RECK: variants seen among roughly 807,000 people sequenced by gnomAD.
RECK encodes the protein reversion-inducing cysteine-rich protein with Kazal motifs.
In RECK, 69 loss-of-function variants were observed where a neutral mutation model predicts 115.1. That is an observed-to-expected ratio of 0.60 (90% CI 0.49 to 0.73). The LOEUF (loss-of-function observed/expected upper bound fraction) is 0.73. Among genes scored for constraint, RECK ranks in the 30% least tolerant of loss-of-function variants. The pLI, the probability that RECK is intolerant of heterozygous loss-of-function variation, is 0.00. For synonymous variants in RECK, 414 were observed against 419.7 expected, an observed-to-expected ratio of 0.99 and a Z score of 0.17; for missense variants, 1,047 against 1,203.7, an observed-to-expected ratio of 0.87 and a Z score of 1.93.
At chr9:36,069,681 T>C (rs1249787858) in intron 6 of RECK, among the ~76,000 whole-genome samples, 2 of 152,148 alleles carry the variant, frequency 1.3e-5, no homozygotes, top group East Asian at 1.9e-4. Flanking sequence ...AAAAATAGTT[T>C]AGGACACAGG....
At chr9:36,066,326 T>C (rs2132593457) in intron 6 of RECK, among the ~76,000 whole-genome samples, 1 of 152,312 alleles carries the variant, frequency 6.6e-6, no homozygotes, top group Non-Finnish European at 1.5e-5. Context: ...ACAGTTTTTG[T>C]AGTGTAAGGC....
In RECK at chr9:36,059,233, GAT is replaced by G. The variant is rs560412052; in HGVS notation, c.234+333_234+334del. Among the ~76,000 whole-genome samples, 767 of 152,122 alleles carry G rather than the reference GAT, an allele frequency of 5.0e-3. 3 individuals carry two copies. Among genetic ancestry groups the G allele is most frequent in the Non-Finnish European group, 8.7e-3 (588 of 67,954 alleles). ...GCACTTTGGGAGTCTGAGGCGGGTG[GAT>G]TACCTGAGGTCAGGATTTCGAGACC... On this transcript the variant is annotated intron_variant, in intron 3 of 20. Coordinates refer to ENST00000377966, the MANE Select transcript of RECK (RefSeq NM_021111.3).
intron 1 of RECK, among the ~76,000 whole-genome samples, chr9:36,049,644 A>G (rs1018894648): frequency 6.6e-6 from 1 of 152,232 alleles, no homozygotes; most frequent in African/African-American, 2.4e-5. Flanking sequence ...CCTTGTTAGC[A>G]TAACAAAGAC....
chr9:36,104,314 ATATATATATATATTTTTTTTTTTTTT>A (rs1404365979), intron 12 of RECK, among the ~76,000 whole-genome samples: 1 of 58,894 alleles, frequency 1.7e-5, no homozygotes, highest in African/African-American at 9.2e-5. Context: ...ATATATATAT[ATATATATATATATTTTTTTTTTTTTT>A]TTTTTTTTTT....
At chr9:36,103,916 CACTTATTGTATTTATAAT>C (rs1823657636) in intron 12 of RECK, among the ~76,000 whole-genome samples, 1 of 152,050 alleles carries the variant, frequency 6.6e-6, no homozygotes, top group Non-Finnish European at 1.5e-5. Flanking sequence ...AAGTAAGCAA[CACTTATTGTATTTATAAT>C]TCTAGATTCT....
chr9:36,069,275 C>T (rs1187359357), intron 6 of RECK, among the ~76,000 whole-genome samples: 1 of 152,000 alleles, frequency 6.6e-6, no homozygotes, highest in Admixed American at 6.6e-5. Context: ...TGCGGTGGCT[C>T]ACACCTGTAA....
intron 17 of RECK, 104 bp from the exon 18 acceptor site, chr9:36,118,653 T>C (rs1387341869): frequency 9.3e-7 from 1 of 1,078,892 alleles, no homozygotes; most frequent in African/African-American, 1.6e-5. Context: ...TTTATACCTG[T>C]GTCTTTTTTC....
At chr9:36,037,466 C>T (rs1430480190) in intron 1 of RECK, among the ~76,000 whole-genome samples, 6 of 151,778 alleles carry the variant, frequency 4.0e-5, no homozygotes, top group Admixed American at 1.3e-4. Context: ...ACGCAGCCGC[C>T]CTACCGCGGC....
intron 1 of RECK, among the ~76,000 whole-genome samples, chr9:36,044,504 C>A (rs1283956260): frequency 6.6e-6 from 1 of 152,070 alleles, no homozygotes; most frequent in Non-Finnish European, 1.5e-5. Context: ...CTAGGACTTC[C>A]ATTATTCTTT....
chr9:36,065,228 TAAAAA>T (rs561725701), intron 5 of RECK, among the ~76,000 whole-genome samples: 5 of 50,542 alleles, frequency 9.9e-5, no homozygotes, highest in Non-Finnish European at 1.9e-4. Flanking sequence ...GGAATTCAGC[TAAAAA>T]AAAAAAAAAA....
intron 5 of RECK, among the ~76,000 whole-genome samples, chr9:36,064,569 T>A (rs1184527848): frequency 6.6e-6 from 1 of 152,220 alleles, no homozygotes; most frequent in Non-Finnish European, 1.5e-5. Flanking sequence ...TTCTAGGGAC[T>A]TATCTCAGAT....
chr9:36,073,071 C>G (rs2132606441), intron 6 of RECK, among the ~76,000 whole-genome samples: 1 of 151,508 alleles, frequency 6.6e-6, no homozygotes, highest in Middle Eastern at 3.4e-3. Flanking sequence ...CTCCTGAACA[C>G]TATTGGATAC....
At chr9:36,107,054 C>A (rs1398576648) in intron 13 of RECK, among the ~76,000 whole-genome samples, 1 of 145,162 alleles carries the variant, frequency 6.9e-6, no homozygotes, top group Non-Finnish European at 1.5e-5. Context: ...TGCAGTGAGC[C>A]GAGATCGTGC....
chr9:36,040,273 G>A lies in RECK; in HGVS notation c.100+3175G>A, dbSNP rs529735465. Among the ~76,000 whole-genome samples the A allele has an allele frequency of 1.3e-3, 204 of 152,314 alleles. 1 individual carries two copies. Among genetic ancestry groups the A allele is most frequent in the Middle Eastern group, 0.01 (3 of 294 alleles). The stretch of plus-strand genomic sequence containing the variant: ...CCAAATGGCTAACACAGAGAATTGT[G>A]TGAGTAGTTCTTTGTGTAAAAGAAC... On this transcript the variant is annotated intron_variant, in intron 1 of 20. Coordinates refer to ENST00000377966, the MANE Select transcript of RECK (RefSeq NM_021111.3).
chr9:36,110,193 A>C, intron 15 of RECK, 114 bp downstream of exon 15: 1 of 1,146,380 alleles, frequency 8.7e-7, no homozygotes, highest in Non-Finnish European at 1.2e-6. Context: ...TAAAATCAAT[A>C]CAGAATCTAA....
chr9:36,051,732 C>G (rs1204440600), intron 1 of RECK, among the ~76,000 whole-genome samples: 1 of 152,114 alleles, frequency 6.6e-6, no homozygotes, highest in African/African-American at 2.4e-5. Context: ...TCATTCATTT[C>G]CATATACTCC....
intron 9 of RECK, among the ~76,000 whole-genome samples, chr9:36,089,150 C>A (rs1039130088): frequency 2.0e-5 from 3 of 152,070 alleles, no homozygotes. Context: ...TTAAATTAGG[C>A]TTGTAATTAA....
rs1823751429 is a variant in RECK, at chr9:36,105,236, A to G, written c.1529A>G (p.Lys510Arg). 1 of 1,614,018 alleles carries G rather than the reference A, an allele frequency of 6.2e-7. No homozygotes were observed. Among genetic ancestry groups the G allele is most frequent in the African/African-American group, 1.3e-5 (1 of 74,924 alleles). The change falls in exon 13 of 21, where the codon AAA becomes AGA. Residue 510 changes from lysine to arginine, a missense_variant. Coordinates refer to ENST00000377966, the MANE Select transcript of RECK (RefSeq NM_021111.3). ...AATGAGCTCTGTGAAGTAAACCGAA[A>G]AGGATGTCCATCTGGAGATCCCTGT... The part of the protein sequence containing the change: ...PANELCEVNR[K>R]GCPSGDPCLP...
chr9:36,092,466 G>A (rs1183581577), intron 10 of RECK, among the ~76,000 whole-genome samples: 2 of 151,352 alleles, frequency 1.3e-5, no homozygotes, highest in African/African-American at 2.4e-5. Flanking sequence ...CCGCCTCCTG[G>A]ATTCAAGCAA....
Sources: allele counts gnomAD v4.1 joint callset (sites outside exome capture counted in the v4.1 genomes callset), GRCh38; gene constraint gnomAD v4.1.1; transcripts MANE v1.5; gene names NCBI Gene and HGNC (gene_info 2026-07-23, HGNC 2026-07-21).